The following RABL3 variants were observed in gnomAD, a reference collection of about 807,000 sequenced individuals.
RABL3 encodes rab-like protein 3.
RABL3 carries 31 observed loss-of-function variants against 31.8 expected under a neutral mutation model. The ratio of observed to expected loss-of-function variants is 0.97; its 90% confidence interval spans 0.73 to 1.31. The LOEUF is 1.31. RABL3 is among the 40% of genes most tolerant of loss of function. RABL3 has a pLI of 0.00. For synonymous variants in RABL3, 97 were observed against 99.9 expected (o/e 0.97, Z 0.18); for missense variants, 263 against 279.6 (o/e 0.94, Z 0.42).
At chr3:120,739,386 G>A (rs1057183152) in intron 1 of RABL3, among the ~76,000 whole-genome samples, 4 of 139,564 alleles carry the variant, frequency 2.9e-5, no homozygotes, top group South Asian at 2.4e-4. Context: ...CGGTGGTGGC[G>A]GGCAGTGGGG....
chr3:120,719,421 G>A (rs866098432), intron 2 of RABL3, among the ~76,000 whole-genome samples: 2 of 152,238 alleles, frequency 1.3e-5, no homozygotes, highest in African/African-American at 2.4e-5. Flanking sequence ...CCTGGGAAGC[G>A]CAAGGGGTCA....
At chr3:120,719,897 T>A (rs1194559821) in intron 2 of RABL3, among the ~76,000 whole-genome samples, 1 of 152,138 alleles carries the variant, frequency 6.6e-6, no homozygotes, top group Non-Finnish European at 1.5e-5. Flanking sequence ...CTCAAGTGGG[T>A]CCCTGACCCC....
chr3:120,736,788 A>G (rs1183552738), intron 1 of RABL3, among the ~76,000 whole-genome samples: 2 of 152,158 alleles, frequency 1.3e-5, no homozygotes, highest in Non-Finnish European at 2.9e-5. Flanking sequence ...TCCTTCATTT[A>G]TGAAGCTTAG....
chr3:120,725,466 T>G (rs951733000), intron 2 of RABL3, among the ~76,000 whole-genome samples: 3 of 152,218 alleles, frequency 2.0e-5, no homozygotes, highest in African/African-American at 7.2e-5. Flanking sequence ...CAAAGGATTA[T>G]AAATCATGCT....
At chr3:120,723,639 T>C (rs1051135905) in intron 2 of RABL3, among the ~76,000 whole-genome samples, 2 of 152,178 alleles carry the variant, frequency 1.3e-5, no homozygotes, top group Non-Finnish European at 2.9e-5. Flanking sequence ...GAAGGCTGGT[T>C]CAACATACGC....
At chr3:120,724,325 C>G (rs781660789) in intron 2 of RABL3, among the ~76,000 whole-genome samples, 8 of 152,322 alleles carry the variant, frequency 5.3e-5, no homozygotes, top group South Asian at 4.1e-4. Context: ...GAAGAACATT[C>G]CATGCTCATG....
At chr3:120,739,396 G>C (rs895833028) in intron 1 of RABL3, among the ~76,000 whole-genome samples, 7 of 141,900 alleles carry the variant, frequency 4.9e-5, no homozygotes, top group Non-Finnish European at 9.3e-5. Context: ...GGGCAGTGGG[G>C]GAGTGACAGC....
At chr3:120,692,526 G>C (rs1708392940) in intron 6 of RABL3, among the ~76,000 whole-genome samples, 1 of 152,148 alleles carries the variant, frequency 6.6e-6, no homozygotes, top group Admixed American at 6.5e-5. Context: ...CTAAATTCTG[G>C]AAGAACTGAT....
rs1163896603 is a variant in RABL3 at position 120,688,945 on chromosome 3, T to C, written c.*878A>G. On this transcript the variant is annotated 3_prime_UTR_variant, in exon 8 of 8. Transcript: ENST00000273375. ...CATTGTTGACACAGAATAATATTCT[T>C]AGTTTTCTGATTATAGCTAAGGGAC... 7 of 152,290 alleles carry C rather than the reference T, an allele frequency of 4.6e-5. No individual in the cohort carries two copies. The highest frequency in any genetic ancestry group is 1.7e-4 in the African/African-American group (7 of 41,568). 9.4% of individuals were successfully genotyped at this position (152,290 alleles called of 1,614,324 possible).
chr3:120,717,684 G>T (rs1286224742), intron 2 of RABL3, among the ~76,000 whole-genome samples: 6 of 152,102 alleles, frequency 3.9e-5, no homozygotes, highest in Non-Finnish European at 7.4e-5. Context: ...GACCAGGCTG[G>T]TCTCAAACTC....
intron 2 of RABL3, among the ~76,000 whole-genome samples, chr3:120,729,130 T>C (rs1308681009): frequency 4.6e-5 from 7 of 152,062 alleles, no homozygotes; most frequent in Non-Finnish European, 7.4e-5. Context: ...ACATTGTCCA[T>C]AGGCTCAGGG....
intron 5 of RABL3, among the ~76,000 whole-genome samples, chr3:120,695,694 A>T (rs1708428901): frequency 6.6e-6 from 1 of 152,332 alleles, no homozygotes; most frequent in East Asian, 1.9e-4. Context: ...ACACATTTCT[A>T]CAGCAATTGG....
intron 7 of RABL3, 102 bp downstream of exon 7, chr3:120,690,347 T>C (rs750562415): frequency 2.5e-6 from 2 of 791,650 alleles, no homozygotes; most frequent in South Asian, 1.5e-5. Context: ...CTTGTGCCTA[T>C]AAAGGGCTTT....
Position 120,689,883 on chromosome 3 carries a change from T to G in RABL3, c.651A>C (p.Pro217=). 1 of 1,612,248 alleles carries G rather than the reference T, an allele frequency of 6.2e-7. No homozygotes were observed. The highest frequency in any genetic ancestry group is 1.1e-5 in the South Asian group (1 of 91,010). ...RYFLREGNQI[P]GFPDRKRFGA... ...CAAATCTTTTCCGATCAGGAAAGCC[T>G]GGAATCTGTAGGCAAGAAAGATAAT... is the stretch of plus-strand genomic sequence containing the variant. The change falls in exon 8 of 8, where the codon CCA becomes CCC. Residue 217 remains proline, a synonymous_variant. Coordinates refer to ENST00000273375, the MANE Select transcript of RABL3 (RefSeq NM_173825.5).
chr3:120,705,391 G>A (rs1708536999), intron 4 of RABL3, among the ~76,000 whole-genome samples: 1 of 152,164 alleles, frequency 6.6e-6, no homozygotes, highest in South Asian at 2.1e-4. Context: ...GAATCATACT[G>A]CTCAATTTTA....
chr3:120,709,684 C>T (rs538062232), intron 3 of RABL3, 96 bp downstream of exon 3: 1 of 921,632 alleles, frequency 1.1e-6, no homozygotes, highest in Admixed American at 2.6e-5. Context: ...ATATCTTTCT[C>T]AAATTAAGAT....
chr3:120,726,314 C>A (rs1279650676), intron 2 of RABL3, among the ~76,000 whole-genome samples: 1 of 152,080 alleles, frequency 6.6e-6, no homozygotes, highest in Non-Finnish European at 1.5e-5. Flanking sequence ...TGTTTGCTAT[C>A]TGTGCTTTTA....
At position 120,689,874 on chromosome 3, in the gene RABL3, A is replaced by C; in HGVS notation, c.660T>G (p.Pro220=). The part of the protein sequence containing the change: ...LREGNQIPGF[P]DRKRFGAGTL... ...TTCCTGCCCCAAATCTTTTCCGATC[A>C]GGAAAGCCTGGAATCTGTAGGCAAG... The change falls in exon 8 of 8, where the codon CCT becomes CCG. Residue 220 remains proline (P), a synonymous_variant. Transcript: ENST00000273375. The C allele has an allele frequency of 6.2e-7, 1 of 1,612,848 alleles. No homozygotes were observed.
chr3:120,735,432 T>C, intron 1 of RABL3, among the ~76,000 whole-genome samples: 1 of 144,368 alleles, frequency 6.9e-6, no homozygotes, highest in South Asian at 2.3e-4. Context: ...GATTCTTCTG[T>C]CTTGTCTTCT....
Sources: allele counts gnomAD v4.1 joint callset (sites outside exome capture counted in the v4.1 genomes callset), GRCh38; gene constraint gnomAD v4.1.1; transcripts MANE v1.5; gene names NCBI Gene and HGNC (gene_info 2026-07-23, HGNC 2026-07-21).